Variants in KLHL5 observed in about 807,000 individuals in gnomAD.
KLHL5 encodes kelch like family member 5, also known as kelch-like protein 5.
A neutral mutation model predicts 77.7 loss-of-function variants in KLHL5; 48 were observed. The ratio of observed to expected loss-of-function variants is 0.62; its 90% CI spans 0.49 to 0.79. KLHL5 has a LOEUF of 0.79. Among genes scored for constraint, KLHL5 ranks in the 30% least tolerant of loss-of-function variants. The probability of loss-of-function intolerance (pLI) is 0.00; values close to 1 mark genes in which losing one functional copy is unlikely to be tolerated. For missense variants in KLHL5, 723 were observed against 859.7 expected (o/e 0.84, Z 1.99); for synonymous variants, 260 against 297.0 (o/e 0.88, Z 1.28).
At chr4:39,107,470 T>C in intron 7 of KLHL5, 99 bp from the exon 8 acceptor site, 1 of 817,360 alleles carries the variant, frequency 1.2e-6, no homozygotes, top group East Asian at 3.1e-5. Flanking sequence ...CAGTTCTATT[T>C]GTATGTTTAA....
chr4:39,053,548 C>T (rs887037057), intron 1 of KLHL5, among the ~76,000 whole-genome samples: 11 of 152,064 alleles, frequency 7.2e-5, no homozygotes, highest in African/African-American at 2.7e-4. Context: ...AAGAATTTAG[C>T]AGTGGTTTTC....
intron 6 of KLHL5, among the ~76,000 whole-genome samples, chr4:39,102,246 A>G (rs983801965): frequency 6.6e-6 from 1 of 151,848 alleles, no homozygotes; most frequent in African/African-American, 2.4e-5. Flanking sequence ...AGCTTAGAAG[A>G]GAGAAGTGGG....
intron 2 of KLHL5, among the ~76,000 whole-genome samples, chr4:39,079,678 A>G (rs1426429907): frequency 1.3e-5 from 2 of 152,114 alleles, no homozygotes; most frequent in South Asian, 4.1e-4. Context: ...GTACTACAGA[A>G]TTTACTTCTA....
chr4:39,045,337 C>G (rs1577611012), intron 1 of KLHL5, among the ~76,000 whole-genome samples: 1 of 151,004 alleles, frequency 6.6e-6, no homozygotes, highest in South Asian at 2.1e-4. Context: ...TGCGCACCCC[C>G]GAGCGCCGGA....
chr4:39,079,020 T>C (rs988727312), intron 2 of KLHL5, among the ~76,000 whole-genome samples: 1 of 152,246 alleles, frequency 6.6e-6, no homozygotes, highest in African/African-American at 2.4e-5. Flanking sequence ...TACTATGTAC[T>C]GTGACAGAAA....
chr4:39,050,560 G>T (rs1716562857), intron 1 of KLHL5, among the ~76,000 whole-genome samples: 1 of 152,122 alleles, frequency 6.6e-6, no homozygotes, highest in Non-Finnish European at 1.5e-5. Flanking sequence ...TTTAATCTAA[G>T]AGTTTATGAA....
At chr4:39,047,115 A>G (rs756647102) in intron 1 of KLHL5, among the ~76,000 whole-genome samples, 7 of 152,196 alleles carry the variant, frequency 4.6e-5, no homozygotes, top group Non-Finnish European at 8.8e-5. Flanking sequence ...GGACCACTGA[A>G]CCTAGAAAAA....
intron 6 of KLHL5, among the ~76,000 whole-genome samples, chr4:39,102,943 T>C (rs148901259): frequency 6.6e-6 from 1 of 152,322 alleles, no homozygotes; most frequent in African/African-American, 2.4e-5. Context: ...AGTAGGATAC[T>C]GTTAGCAGAC....
chr4:39,076,866 A>AAGACTTCATG (rs1719102184), intron 2 of KLHL5, among the ~76,000 whole-genome samples: 1 of 151,920 alleles, frequency 6.6e-6, no homozygotes, highest in African/African-American at 2.4e-5. Context: ...GGCTTAGGCA[A>AAGACTTCATG]AGACTTCATG....
rs149270311 is a variant in KLHL5 at position 39,051,872 on chromosome 4, T to C, written c.-95+6776T>C. On this transcript the variant is annotated intron_variant, in intron 1 of 11. Transcript: ENST00000261425. ...TTCCTTATGAGGTATTTATGGTTCA[T>C]TTATAGTTCTTGAGTCTTGATGCAA... 9.3e-4 allele frequency among the ~76,000 whole-genome samples: 142 copies of C among 152,284 alleles called. 1 individual carries two copies. The highest frequency in any genetic ancestry group is 3.2e-3 in the African/African-American group (131 of 41,562).
At chr4:39,093,630 G>C (rs185107578) in intron 5 of KLHL5, among the ~76,000 whole-genome samples, 1 of 151,502 alleles carries the variant, frequency 6.6e-6, no homozygotes, top group African/African-American at 2.5e-5. Context: ...AAGGGGCAAG[G>C]CATGGTGGCT....
At chr4:39,093,500 C>A (rs75769431) in intron 5 of KLHL5, 118 of 450,726 alleles carry the variant, frequency 2.6e-4, no homozygotes, top group African/African-American at 2.1e-3. Context: ...GTAAAATATG[C>A]CCCAATAAAA....
intron 1 of KLHL5, among the ~76,000 whole-genome samples, chr4:39,053,811 A>G (rs555384600): frequency 1.3e-5 from 2 of 152,190 alleles, no homozygotes; most frequent in Non-Finnish European, 2.9e-5. Flanking sequence ...CCCTTGCTTT[A>G]CTACCAGGTA....
At chr4:39,103,157 A>T in intron 6 of KLHL5, 130 bp from the exon 7 acceptor site, 1 of 756,816 alleles carries the variant, frequency 1.3e-6, no homozygotes, top group Non-Finnish European at 2.1e-6. Flanking sequence ...ATCATGCAGG[A>T]CCTTCATGAA....
chr4:39,137,172 T>C, the KLHL5 span, among the ~76,000 whole-genome samples: 2 of 116,158 alleles, frequency 1.7e-5, no homozygotes, highest in South Asian at 2.8e-4. Context: ...TAAATACATA[T>C]GCAAATATGT....
rs764580881 is a variant in KLHL5, at chr4:39,081,078, T to A, written c.567-25T>A. The A allele has an allele frequency of 3.2e-6, 5 of 1,572,442 alleles. No homozygotes were observed. The South Asian group carries it at 6.0e-5, about 19-fold the overall frequency. On this transcript the variant is annotated intron_variant, in intron 2 of 10. Transcript: ENST00000504108. This position sits in a 1 kb window ranked among gnomAD's most constrained non-coding sequence, Gnocchi z 4.3. ...CATCAACTCGAATGTGGTCATTGAT[T>A]TTTTTTTTCCTAATGTGTTCACAGA...
Position 39,123,603 on chromosome 4 carries a change from G to GA in KLHL5, c.*2543dup, listed in dbSNP as rs1560447469. Among the ~76,000 whole-genome samples the GA allele has an allele frequency of 1.3e-5, 2 of 151,988 alleles. No individual in the cohort carries two copies. Among genetic ancestry groups the GA allele is most frequent in the South Asian group, 4.1e-4 (2 of 4,822 alleles). Reference sequence around the variant, plus strand: ...TATACCATATTAATAGAATGAAGGGGAAAAAACAGCATGATCACCTCAATT... The same window carrying GA: ...TATACCATATTAATAGAATGAAGGGGAAAAAAACAGCATGATCACCTCAATT... On this transcript the variant is annotated 3_prime_UTR_variant, in exon 11 of 11. Transcript: ENST00000504108.
intron 6 of KLHL5, among the ~76,000 whole-genome samples, chr4:39,101,028 A>G (rs1721482569): frequency 6.6e-6 from 1 of 151,492 alleles, no homozygotes; most frequent in Non-Finnish European, 1.5e-5. Flanking sequence ...GCTTACTTTT[A>G]TAAAAGGTTA....
At chr4:39,061,293 T>C (rs1717395164), upstream of KLHL5, among the ~76,000 whole-genome samples, 1 of 152,230 alleles carries the variant, frequency 6.6e-6, no homozygotes, top group Non-Finnish European at 1.5e-5. Context: ...GTTTTTGTTT[T>C]TTGGTCAGCT....
Sources: allele counts gnomAD v4.1 joint callset (sites outside exome capture counted in the v4.1 genomes callset), GRCh38; gene constraint gnomAD v4.1.1; non-coding constraint Gnocchi (gnomAD v3.1); transcripts MANE v1.5; gene names NCBI Gene and HGNC (gene_info 2026-07-23, HGNC 2026-07-21).